Variants in POLE3 observed in about 807,000 individuals in gnomAD.
POLE3 encodes DNA polymerase epsilon subunit 3.
In POLE3, 10 loss-of-function variants were observed where a neutral mutation model predicts 16.1. That is an observed-to-expected ratio of 0.62 (90% confidence interval 0.38 to 1.05). The LOEUF (loss-of-function observed/expected upper bound fraction) is 1.05, where lower values mean the gene tolerates loss of function less well. POLE3 is among the 50% of genes least tolerant of loss of function. POLE3 has a pLI of 0.01. For synonymous variants in POLE3, 83 were observed against 71.0 expected, an observed-to-expected ratio of 1.17 and a Z score of -0.85; for missense variants, 169 against 185.0, an observed-to-expected ratio of 0.91 and a Z score of 0.50.
In POLE3 at chr9:113,410,309, T is replaced by C; in HGVS notation, c.-16A>G. 6.2e-7 allele frequency: 1 copy of C among 1,611,050 alleles called. No individual in the cohort carries two copies. The highest frequency in any genetic ancestry group is 1.1e-5 in the South Asian group (1 of 90,614). ...TCTCCGCCATTGCCGCCGCTGGGGC[T>C]TAAACTCCCCTTCGCCTCCGCTTCA... On this transcript the variant is annotated 5_prime_UTR_variant, in exon 2 of 5. Transcript: ENST00000374171.
Position 113,408,921 on chromosome 9 carries a change from T to G in POLE3, c.334A>C (p.Lys112Gln), listed in dbSNP as rs776313444. The change falls in exon 5 of 5, where the codon AAA becomes CAA. Residue 112 changes from lysine (K) to glutamine (Q), a missense_variant. Transcript: ENST00000374171. ...TCTTGCTCTTCCGAGTCTGTTTTTT[T>G]GTCTTTGTCCTTCTTCTTTTGCTCT... ...ASEQKKKDKD[K>Q]KTDSEEQDKS... 1.2e-6 allele frequency: 2 copies of G among 1,613,628 alleles called. No individual in the cohort carries two copies. The highest frequency in any genetic ancestry group is 1.1e-5 in the South Asian group (1 of 90,996).
Position 113,410,156 on chromosome 9 carries a change from G to C in POLE3, c.67-16C>G, listed in dbSNP as rs776191065. ...CGTCCGGGAGCTGCGAGGAGACCGGGGGTGAGCAAAGCTGCCGTTCCAGCA... is the reference window on the plus strand; with the variant it reads ...CGTCCGGGAGCTGCGAGGAGACCGGCGGTGAGCAAAGCTGCCGTTCCAGCA... On this transcript the variant is annotated splice_polypyrimidine_tract_variant and intron_variant, in intron 2 of 4. Coordinates refer to ENST00000374171, the MANE Select transcript of POLE3 (RefSeq NM_017443.5). The C allele has an allele frequency of 6.7e-5, 107 of 1,604,520 alleles. No homozygotes were observed. Among genetic ancestry groups the C allele is most frequent in the Non-Finnish European group, 8.8e-5 (104 of 1,175,916 alleles).
rs1160725142 is a variant in POLE3 at position 113,409,712 on chromosome 9, T to C, written c.169A>G (p.Met57Val). 1.2e-6 allele frequency: 2 copies of C among 1,609,776 alleles called. No homozygotes were observed. Among genetic ancestry groups the C allele is most frequent in the Admixed American group, 1.7e-5 (1 of 60,014 alleles). ...YATSCANNFA[M>V]KGKRKTLNAS... ...TTCAGCGTCTTCCGCTTTCCTTTCATTGCAAAGTTGTTAGCACTGAGAGAA... is the reference window on the plus strand; with the variant it reads ...TTCAGCGTCTTCCGCTTTCCTTTCACTGCAAAGTTGTTAGCACTGAGAGAA... The change falls in exon 4 of 5, where the codon ATG (methionine) becomes GTG (valine). Residue 57 changes from methionine (M) to valine (V), a missense_variant. Transcript: ENST00000374171.
chr9:113,408,765 T>G lies in POLE3; in HGVS notation c.*46A>C. On this transcript the variant is annotated 3_prime_UTR_variant, in exon 5 of 5. Transcript: ENST00000374171. ...GCTTCACAGAAACACGTAGCACGTC[T>G]CATTTCAAGTGGTACCTTCCAAGGT... The G allele has an allele frequency of 6.7e-7, 1 of 1,486,844 alleles. No individual in the cohort carries two copies. Among genetic ancestry groups the G allele is most frequent in the Non-Finnish European group, 9.3e-7 (1 of 1,069,744 alleles). The allele number at this position is 1,486,844 out of a possible 1,614,324, so 92.1% of individuals were successfully genotyped here. A position where few individuals can be genotyped will look rare whatever the true frequency, so the allele number is the denominator to read the frequency against.
intron 3 of POLE3, 120 bp from the exon 4 acceptor site, chr9:113,409,848 G>A: frequency 1.3e-6 from 1 of 796,556 alleles, no homozygotes; most frequent in Non-Finnish European, 2.1e-6. Context: ...TGGTGTGACA[G>A]GGATAAGTCC....
At chr9:113,409,772 G>C in intron 3 of POLE3, 44 bp from the exon 4 acceptor site, 1 of 1,297,576 alleles carries the variant, frequency 7.7e-7, no homozygotes, top group Non-Finnish European at 1.1e-6. Context: ...TGTTTGTAAG[G>C]CGTGAGTGGG....
Position 113,410,252 on chromosome 9 carries a change from C to A in POLE3, c.42G>T (p.Val14=). The stretch of plus-strand genomic sequence containing the variant: ...CCGCCTCCTTGATGATCCTGGTGAT[C>A]ACGGCATTGGGCAGGTTTAGGTCCT... ...RPEDLNLPNA[V]ITRIIKEALP... is the part of the protein sequence containing the mutation. The change falls in exon 2 of 5, where the codon GTG becomes GTT. Residue 14 remains valine (V), a synonymous_variant. Coordinates refer to ENST00000374171, the MANE Select transcript of POLE3 (RefSeq NM_017443.5). The A allele has an allele frequency of 6.2e-7, 1 of 1,613,860 alleles. No individual in the cohort carries two copies.
chr9:113,409,359 C>CAAAAAA (rs35481754), intron 4 of POLE3, among the ~76,000 whole-genome samples: 43 of 89,224 alleles, frequency 4.8e-4, no homozygotes, highest in Middle Eastern at 5.7e-3. Flanking sequence ...GACTCCGTCT[C>CAAAAAA]AAAAAAAAAA....
chr9:113,408,102 A>G lies in POLE3; in HGVS notation c.*709T>C, dbSNP rs958109659. 1 of 152,396 alleles carries G rather than the reference A, an allele frequency of 6.6e-6. No homozygotes were observed. The highest frequency in any genetic ancestry group is 1.5e-5 in the Non-Finnish European group (1 of 68,060). The allele number at this position is 152,396 out of a possible 1,614,324, so 9.4% of individuals were successfully genotyped here. A position where few individuals can be genotyped will look rare whatever the true frequency, so the allele number is the denominator to read the frequency against. On this transcript the variant is annotated 3_prime_UTR_variant, in exon 5 of 5. Coordinates refer to ENST00000374171, the MANE Select transcript of POLE3 (RefSeq NM_017443.5). The stretch of plus-strand genomic sequence containing the variant: ...TATGCCATCTGTTTTTGTAAAAGAC[A>G]CTGGCACCATGTTTGACTAATACCA...
chr9:113,410,287 C>G lies in POLE3; in HGVS notation c.7G>C (p.Glu3Gln). The G allele has an allele frequency of 6.2e-7, 1 of 1,612,836 alleles. No individual in the cohort carries two copies. Among genetic ancestry groups the G allele is most frequent in the Non-Finnish European group, 8.5e-7 (1 of 1,179,760 alleles). MA[E>Q]RPEDLNLPNA... ...GGCAGGTTTAGGTCCTCGGGCCTCT[C>G]CGCCATTGCCGCCGCTGGGGCTTAA... Residue 3 changes from glutamate to glutamine, a missense_variant, in exon 2 of 5, where the codon GAG becomes CAG. Transcript: ENST00000374171.
At position 113,408,920 on chromosome 9, in the gene POLE3, T is replaced by C; in HGVS notation, c.335A>G (p.Lys112Arg). The change falls in exon 5 of 5, where the codon AAA becomes AGA. Residue 112 changes from lysine (K) to arginine (R), a missense_variant. By Grantham distance (26) the Lys-to-Arg change is conservative. Transcript: ENST00000374171. ...ASEQKKKDKDKKTDSEEQDKS... is the reference protein window; with the variant it reads ...ASEQKKKDKDRKTDSEEQDKS... ...GTCTTGCTCTTCCGAGTCTGTTTTT[T>C]TGTCTTTGTCCTTCTTCTTTTGCTC... is the stretch of plus-strand genomic sequence containing the variant. The C allele has an allele frequency of 6.2e-7, 1 of 1,613,582 alleles. No homozygotes were observed. Among genetic ancestry groups the C allele is most frequent in the East Asian group, 2.2e-5 (1 of 44,888 alleles).
At position 113,407,308 on chromosome 9, in the gene POLE3, G is replaced by A. The variant is rs1377517874; in HGVS notation, c.*1503C>T. 1.3e-5 allele frequency: 2 copies of A among 152,440 alleles called. No individual in the cohort carries two copies. The highest frequency in any genetic ancestry group is 2.9e-5 in the Non-Finnish European group (2 of 68,046). 9.4% of individuals were successfully genotyped at this position (152,440 alleles called of 1,614,324 possible). A position where few individuals can be genotyped will look rare whatever the true frequency, so the allele number is the denominator to read the frequency against. ...ATTCTTCACTCACAAACTTTTCACT[G>A]TATTTAACAAGTTAACAGTGTCAAA... On this transcript the variant is annotated 3_prime_UTR_variant, in exon 5 of 5. Transcript: ENST00000374171.
At position 113,407,398 on chromosome 9, in the gene POLE3, G is replaced by A. The variant is rs147331290; in HGVS notation, c.*1413C>T. On this transcript the variant is annotated 3_prime_UTR_variant, in exon 5 of 5. Transcript: ENST00000374171. The stretch of plus-strand genomic sequence containing the variant: ...AGAAACAAAAAGCGCTTGGAGCACT[G>A]AATGGAAACAGAAAAAGGCTAAGAA... 4 of 152,722 alleles carry A rather than the reference G, an allele frequency of 2.6e-5. No individual in the cohort carries two copies. In the East Asian group the frequency reaches 7.7e-4, roughly 29 times the overall value. 9.5% of individuals were successfully genotyped at this position (152,722 alleles called of 1,614,324 possible).
rs1286517959 is a variant in POLE3, at chr9:113,408,830, T to A, written c.425A>T (p.Glu142Val). ...CCCTTTTCAGTTGTCTACTTCTTCC[T>A]CTTCATTCTGTTCTTCTTCTTCCAG... ...ERLEEEEQNE[E>V]EEVDN Residue 142 changes from glutamate to valine, a missense_variant, in exon 5 of 5, where the codon GAG (glutamate) becomes GTG (valine). Glu to Val is a moderately radical substitution (Grantham distance 121). Coordinates refer to ENST00000374171, the MANE Select transcript of POLE3 (RefSeq NM_017443.5). 3 of 1,613,708 alleles carry A rather than the reference T, an allele frequency of 1.9e-6. No homozygotes were observed. In the Admixed American group the frequency reaches 5.0e-5, roughly 27 times the overall value.
chr9:113,410,473 CCTCAAATACCGGCGCAT>C, intron 1 of POLE3, 65 bp from the exon 2 acceptor site: 1 of 616,386 alleles, frequency 1.6e-6, no homozygotes, highest in South Asian at 1.9e-5. Flanking sequence ...CCCGCCTCCG[CCTCAAATACCGGCGCAT>C]CCGGATTTTG....
chr9:113,409,510 G>A (rs1828026184), intron 4 of POLE3, 100 bp downstream of exon 4: 1 of 727,750 alleles, frequency 1.4e-6, no homozygotes, highest in Non-Finnish European at 2.4e-6. Context: ...CTGGCTTACT[G>A]GACTTAAAGG....
At position 113,410,659 on chromosome 9, in the gene POLE3, T is replaced by G; in HGVS notation, c.-158A>C. ...TGGAGCTTCCGTCCGTTTCCCATGG[T>G]GCCCTGCGCCGCTGCTGGGTGACGG... On this transcript the variant is annotated 5_prime_UTR_variant, in exon 1 of 5. Coordinates refer to ENST00000374171, the MANE Select transcript of POLE3 (RefSeq NM_017443.5). The G allele has an allele frequency of 3.3e-5, 9 of 272,780 alleles. No homozygotes were observed. Among genetic ancestry groups the G allele is most frequent in the Non-Finnish European group, 5.8e-5 (8 of 138,682 alleles). 16.9% of individuals were successfully genotyped at this position (272,780 alleles called of 1,614,324 possible).
At position 113,408,689 on chromosome 9, in the gene POLE3, C is replaced by G; in HGVS notation, c.*122G>C. ...ACGGTATTTCTAGTCAGTTTTTATT[C>G]TGATCTTTTCAGGCACTTTTGCCTG... On this transcript the variant is annotated 3_prime_UTR_variant, in exon 5 of 5. Coordinates refer to ENST00000374171, the MANE Select transcript of POLE3 (RefSeq NM_017443.5). The G allele has an allele frequency of 1.3e-6, 1 of 771,928 alleles. No individual in the cohort carries two copies. Among genetic ancestry groups the G allele is most frequent in the Non-Finnish European group, 2.2e-6 (1 of 463,322 alleles). The allele number at this position is 771,928 out of a possible 1,614,324, so 47.8% of individuals were successfully genotyped here.
At chr9:113,409,336 G>A (rs1307747050) in intron 4 of POLE3, among the ~76,000 whole-genome samples, 5 of 147,470 alleles carry the variant, frequency 3.4e-5, no homozygotes, top group Non-Finnish European at 7.4e-5. Context: ...CTCCAGCTTG[G>A]GTGACAGAGC....
Sources: gnomAD v4.1 joint callset for allele counts (sites outside exome capture counted in the v4.1 genomes callset) on GRCh38, gnomAD v4.1.1 for gene constraint, MANE v1.5 for transcripts, NCBI Gene and HGNC (gene_info 2026-07-23, HGNC 2026-07-21) for gene names.